The following DIP2C variants were observed in gnomAD, a reference collection of about 807,000 sequenced individuals.
The protein encoded by DIP2C is disco-interacting protein 2 homolog C.
In DIP2C, 33 loss-of-function variants were observed where a neutral mutation model predicts 192.4. That is an observed-to-expected ratio of 0.17 (90% CI 0.13 to 0.23). The LOEUF (loss-of-function observed/expected upper bound fraction) is 0.23. Among genes scored for constraint, DIP2C ranks in the 10% least tolerant of loss-of-function variants. The pLI, the probability that DIP2C is intolerant of heterozygous loss-of-function variation, is 1.00. For missense variants in DIP2C, 1,537 were observed against 2,110.1 expected, an observed-to-expected ratio of 0.73 and a Z score of 5.32; for synonymous variants, 979 against 864.1, an observed-to-expected ratio of 1.13 and a Z score of -2.33.
intron 18 of DIP2C, among the ~76,000 whole-genome samples, chr10:366,912 C>T (rs1222611622): frequency 1.3e-5 from 2 of 152,200 alleles, no homozygotes; most frequent in Admixed American, 1.3e-4. Flanking sequence ...TGGTCTGTGC[C>T]ACCAACACTT....
chr10:601,297 G>T (rs1345698486), intron 1 of DIP2C, among the ~76,000 whole-genome samples: 1 of 152,154 alleles, frequency 6.6e-6, no homozygotes, highest in Non-Finnish European at 1.5e-5. Flanking sequence ...CTACATTAAG[G>T]TTTACAACAC....
At chr10:627,735 C>T (rs997530797) in intron 1 of DIP2C, among the ~76,000 whole-genome samples, 6 of 152,404 alleles carry the variant, frequency 3.9e-5, no homozygotes, top group African/African-American at 1.2e-4. Flanking sequence ...AGCGAGGCTG[C>T]GCCCAAAAGC....
At chr10:592,702 A>G (rs756781359) in intron 1 of DIP2C, among the ~76,000 whole-genome samples, 3 of 152,186 alleles carry the variant, frequency 2.0e-5, no homozygotes, top group African/African-American at 4.8e-5. Flanking sequence ...TTTGTAAATT[A>G]TAACTATTAC....
intron 23 of DIP2C, among the ~76,000 whole-genome samples, chr10:357,356 G>C (rs569339981): frequency 6.6e-6 from 1 of 152,310 alleles, no homozygotes; most frequent in South Asian, 2.1e-4. Flanking sequence ...CAGGACAGAA[G>C]CCTTGCTGCA....
At chr10:427,825 G>A (rs545784013) in intron 4 of DIP2C, among the ~76,000 whole-genome samples, 2 of 152,238 alleles carry the variant, frequency 1.3e-5, no homozygotes, top group Admixed American at 6.5e-5. Flanking sequence ...TATGTAAAAT[G>A]GTACAGCTAT....
chr10:561,724 G>C (rs1196549230), intron 1 of DIP2C, among the ~76,000 whole-genome samples: 1 of 152,196 alleles, frequency 6.6e-6, no homozygotes, highest in Non-Finnish European at 1.5e-5. Context: ...GTCCCGTCTA[G>C]AGCTTGTCTG....
At chr10:554,230 G>A (rs1226104586) in intron 1 of DIP2C, among the ~76,000 whole-genome samples, 1 of 152,162 alleles carries the variant, frequency 6.6e-6, no homozygotes, top group Non-Finnish European at 1.5e-5. Flanking sequence ...GTGGCGAACA[G>A]GCAGGAAATA....
At chr10:543,066 G>A (rs2130910447) in intron 1 of DIP2C, among the ~76,000 whole-genome samples, 1 of 152,306 alleles carries the variant, frequency 6.6e-6, no homozygotes, top group African/African-American at 2.4e-5. Flanking sequence ...TGATGATGAT[G>A]ACACCGATAC....
At chr10:376,751 T>G (rs1174816066) in intron 17 of DIP2C, among the ~76,000 whole-genome samples, 2 of 152,102 alleles carry the variant, frequency 1.3e-5, no homozygotes, top group Non-Finnish European at 2.9e-5. Flanking sequence ...AGCAGCAGAA[T>G]GAACTAATAA....
At chr10:674,114 A>G (rs992581665) in intron 1 of DIP2C, among the ~76,000 whole-genome samples, 1 of 152,230 alleles carries the variant, frequency 6.6e-6, no homozygotes, top group Non-Finnish European at 1.5e-5. Context: ...CTGGACTGTG[A>G]TATCAGTAGC....
intron 1 of DIP2C, among the ~76,000 whole-genome samples, chr10:635,874 C>A (rs995653542): frequency 1.3e-5 from 2 of 152,160 alleles, no homozygotes; most frequent in South Asian, 4.1e-4. Context: ...TACTTCCAGC[C>A]CAGAGGCTCA....
At chr10:365,535 TCAA>T (rs918245657) in intron 19 of DIP2C, among the ~76,000 whole-genome samples, 2 of 152,204 alleles carry the variant, frequency 1.3e-5, no homozygotes, top group African/African-American at 4.8e-5. Flanking sequence ...AGACCCTGTC[TCAA>T]CAACAACCAA....
intron 1 of DIP2C, among the ~76,000 whole-genome samples, chr10:555,427 GAC>G (rs1203288372): frequency 6.6e-6 from 1 of 152,160 alleles, no homozygotes; most frequent in African/African-American, 2.4e-5. Flanking sequence ...TGGCTACTAT[GAC>G]AGAGCATCCT....
chr10:551,450 C>T (rs988138082), intron 1 of DIP2C, among the ~76,000 whole-genome samples: 1 of 152,208 alleles, frequency 6.6e-6, no homozygotes, highest in Non-Finnish European at 1.5e-5. Flanking sequence ...TCTCCTGGCC[C>T]CCGAGGCCAA....
chr10:411,018 G>C (rs958759142), intron 8 of DIP2C, among the ~76,000 whole-genome samples: 2 of 152,208 alleles, frequency 1.3e-5, no homozygotes, highest in Non-Finnish European at 2.9e-5. Flanking sequence ...GGTGAGGGGA[G>C]AGGCGGTGGG....
chr10:449,805 AAC>A (rs57993981), intron 3 of DIP2C, among the ~76,000 whole-genome samples: 21,648 of 147,944 alleles, frequency 0.15, 4,314 homozygotes, highest in African/African-American at 0.46. Context: ...AAAAGAAGTA[AAC>A]ACATTCAGTT....
chr10:364,743 C>G (rs1959978783), intron 19 of DIP2C, among the ~76,000 whole-genome samples, 161 bp from the exon 20 acceptor site: 1 of 152,228 alleles, frequency 6.6e-6, no homozygotes, highest in Admixed American at 6.5e-5. Flanking sequence ...TGGTGGCCAA[C>G]AGTCTTCGAG....
chr10:329,615 A>C lies in DIP2C; in HGVS notation c.3585-14T>G, dbSNP rs775887830. 6.2e-6 allele frequency: 10 copies of C among 1,612,896 alleles called. No homozygotes were observed. Among genetic ancestry groups the C allele is most frequent in the Non-Finnish European group, 8.5e-6 (10 of 1,179,378 alleles). On this transcript the variant is annotated splice_polypyrimidine_tract_variant and intron_variant, in intron 29 of 36. Transcript: ENST00000280886. The stretch of plus-strand genomic sequence containing the variant: ...CCAGAATACACACTGCAGAGAAAGA[A>C]GAGGCTGTCAGGGCGGGAGCTCAGC...
chr10:463,419 C>T (rs1969950527), intron 3 of DIP2C, among the ~76,000 whole-genome samples: 1 of 152,088 alleles, frequency 6.6e-6, no homozygotes, highest in Non-Finnish European at 1.5e-5. Flanking sequence ...AATAAAATAC[C>T]TAGGAATACA....
Sources: allele counts gnomAD v4.1 joint callset (sites outside exome capture counted in the v4.1 genomes callset), GRCh38; gene constraint gnomAD v4.1.1; transcripts MANE v1.5; gene names NCBI Gene and HGNC (gene_info 2026-07-23, HGNC 2026-07-21).